STK11IP: variants seen among roughly 807,000 people sequenced by gnomAD.
STK11IP encodes serine/threonine kinase 11 interacting protein.
Under a neutral mutation model 131.7 loss-of-function variants are expected in STK11IP, and 103 were observed. The ratio of observed to expected loss-of-function variants is 0.78; its 90% CI spans 0.67 to 0.92. The LOEUF is 0.92. Among genes scored for constraint, STK11IP ranks in the 40% least tolerant of loss-of-function variants. The probability of loss-of-function intolerance (pLI) is 0.00; values close to 1 mark genes in which losing one functional copy is unlikely to be tolerated. For missense variants in STK11IP, 1,315 were observed against 1,385.7 expected (o/e 0.95, Z 0.81); for synonymous variants, 557 against 575.6 (o/e 0.97, Z 0.46).
chr2:219,608,650 C>G lies in STK11IP; in HGVS notation c.1671C>G (p.Cys557Trp), dbSNP rs200941016. 1.2e-6 allele frequency: 2 copies of G among 1,613,456 alleles called. No individual in the cohort carries two copies. The highest frequency in any genetic ancestry group is 2.7e-5 in the African/African-American group (2 of 75,034). ...CTGAGGGCGTACGGGGCAGGGAATG[C>G]TTTCTCAGGGTCACTTCTGCCCACC... ...EGPEGVRGRE[C>W]FLRVTSAHLF... is the part of the protein sequence containing the mutation. The change falls in exon 15 of 25, where the codon TGC becomes TGG. Residue 557 changes from cysteine to tryptophan, a missense_variant. Physicochemically the swap from Cys to Trp is radical, Grantham distance 215 (BLOSUM62 -2). Coordinates refer to ENST00000456909, the MANE Select transcript of STK11IP (RefSeq NM_052902.4).
At chr2:219,613,691 C>G (rs1001568109) in intron 20 of STK11IP, 61 bp from the exon 21 acceptor site, 2 of 1,601,930 alleles carry the variant, frequency 1.2e-6, no homozygotes, top group Non-Finnish European at 1.7e-6. Context: ...GGGGCAGGGC[C>G]TCTCTGGGAC....
chr2:219,601,222 C>T lies in STK11IP; in HGVS notation c.62-13C>T. 6.2e-7 allele frequency: 1 copy of T among 1,603,952 alleles called. No individual in the cohort carries two copies. The highest frequency in any genetic ancestry group is 8.5e-7 in the Non-Finnish European group (1 of 1,172,996). On this transcript the variant is annotated splice_polypyrimidine_tract_variant and intron_variant, in intron 2 of 24. Coordinates refer to ENST00000456909, the MANE Select transcript of STK11IP (RefSeq NM_052902.4). Reference sequence around the variant, plus strand: ...CACTGTGTCTTCCCTCCTGTTTGCCCCTTTTTCTGCAGGGGATGTGGTCCT... The same window carrying T: ...CACTGTGTCTTCCCTCCTGTTTGCCTCTTTTTCTGCAGGGGATGTGGTCCT...
chr2:219,605,421 G>C, intron 7 of STK11IP, 187 bp from the exon 8 acceptor site: 2 of 599,140 alleles, frequency 3.3e-6, no homozygotes, highest in African/African-American at 1.9e-5. Flanking sequence ...GCCTTGAACT[G>C]TTAGGAACAG....
chr2:219,600,318 C>T (rs1250862471), intron 2 of STK11IP, among the ~76,000 whole-genome samples: 1 of 152,042 alleles, frequency 6.6e-6, no homozygotes, highest in Non-Finnish European at 1.5e-5. Context: ...CCATGTTGGC[C>T]AGGTTGGTCC....
At position 219,608,346 on chromosome 2, in the gene STK11IP, AAGG is replaced by A. The variant is rs747580839; in HGVS notation, c.1526_1528del (p.Glu509del). The A allele has an allele frequency of 1.3e-6, 2 of 1,588,892 alleles. No homozygotes were observed. Among genetic ancestry groups the A allele is most frequent in the Admixed American group, 1.8e-5 (1 of 55,022 alleles). Reference sequence around the variant, plus strand: ...AGAGGAGAAGGAGGGGAAGGAGGAGAAGGAGGAGGGGGAGATGGTGGAACAGGG... The same window carrying A: ...AGAGGAGAAGGAGGGGAAGGAGGAGAAGGAGGGGGAGATGGTGGAACAGGG... On this transcript the variant is annotated inframe_deletion, in exon 14 of 25. Transcript: ENST00000456909.
At chr2:219,609,024 GCT>G in intron 15 of STK11IP, 71 bp from the exon 16 acceptor site, 2 of 1,238,326 alleles carry the variant, frequency 1.6e-6, no homozygotes, top group Non-Finnish European at 2.3e-6. Flanking sequence ...CATCCTCCAT[GCT>G]CTCAGCATCC....
chr2:219,613,069 T>C (rs1698444112), intron 19 of STK11IP, 59 bp from the exon 20 acceptor site: 5 of 1,439,352 alleles, frequency 3.5e-6, no homozygotes, highest in Non-Finnish European at 4.8e-6. Flanking sequence ...CGGCTTTCAG[T>C]CTGGCCCCAC....
rs1200202874 is a variant in STK11IP at position 219,605,847 on chromosome 2, A to G, written c.746-109A>G. Reference sequence around the variant, plus strand: ...CCTTGAGAGGGCTTATGGGGAGTGCAGGGGTGCTCTGGCCGGTCTTTCTGC... The same window carrying G: ...CCTTGAGAGGGCTTATGGGGAGTGCGGGGGTGCTCTGGCCGGTCTTTCTGC... On this transcript the variant is annotated intron_variant, in intron 8 of 24. Transcript: ENST00000456909. 4 of 1,489,704 alleles carry G rather than the reference A, an allele frequency of 2.7e-6. No individual in the cohort carries two copies. The African/African-American group carries it at 5.5e-5, about 21-fold the overall frequency. 92.3% of individuals were successfully genotyped at this position (1,489,704 alleles called of 1,614,324 possible). A position where few individuals can be genotyped will look rare whatever the true frequency, so the allele number is the denominator to read the frequency against.
chr2:219,606,643 G>A (rs879553360), intron 11 of STK11IP, 69 bp from the exon 12 acceptor site: 1 of 1,594,366 alleles, frequency 6.3e-7, no homozygotes, highest in Admixed American at 1.7e-5. Flanking sequence ...CCGCCTTTTG[G>A]CTGGCTTGGG....
At position 219,612,916 on chromosome 2, in the gene STK11IP, C is replaced by T. The variant is rs767410676; in HGVS notation, c.2440-212C>T. 1.9e-4 allele frequency: 102 copies of T among 546,918 alleles called. 1 individual carries two copies. Among genetic ancestry groups the T allele is most frequent in the Non-Finnish European group, 3.1e-4 (95 of 302,446 alleles). 33.9% of individuals were successfully genotyped at this position (546,918 alleles called of 1,614,324 possible). A position where few individuals can be genotyped will look rare whatever the true frequency, so the allele number is the denominator to read the frequency against. ...GGGGGTGAGGCGACAGGCAGGGAAG[C>T]CAGCTGCTGAGGCTCTGAGCGGGCA... On this transcript the variant is annotated intron_variant, in intron 19 of 24. Coordinates refer to ENST00000456909, the MANE Select transcript of STK11IP (RefSeq NM_052902.4).
At chr2:219,614,888 G>A (rs1206037320) in intron 23 of STK11IP, 1 of 648,022 alleles carries the variant, frequency 1.5e-6, no homozygotes, top group Non-Finnish European at 2.6e-6. Context: ...GTGGGGCAGT[G>A]GGGGGCGGTA....
chr2:219,613,213 C>G lies in STK11IP; in HGVS notation c.2525C>G (p.Thr842Ser). ...CGCAGGCTGTACCTGTTGAAGGTGA[C>G]TGGGGAGATGCGGTGAGTGAGAGGG... ...SDRRLYLLKV[T>S]GEMREPPASW... The change falls in exon 20 of 25, where the codon ACT becomes AGT. Residue 842 changes from threonine (T) to serine (S), a missense_variant. Coordinates refer to ENST00000456909, the MANE Select transcript of STK11IP (RefSeq NM_052902.4). The G allele has an allele frequency of 5.1e-6, 8 of 1,576,198 alleles. No homozygotes were observed. The highest frequency in any genetic ancestry group is 6.9e-6 in the Non-Finnish European group (8 of 1,158,252).
rs199664198 is a variant in STK11IP, at chr2:219,606,278, T to C, written c.933T>C (p.Asp311=). ...TAQYLSPRAR[D]AATGFLLDGK... is the part of the protein sequence containing the mutation. ...AGTACTTGTCACCCCGGGCCAGGGA[T>C]GCTGCTACTGGCGTGAGTGATCGTC... Residue 311 remains aspartate (D), a synonymous_variant, in exon 10 of 25, where the codon GAT becomes GAC. Coordinates refer to ENST00000456909, the MANE Select transcript of STK11IP (RefSeq NM_052902.4). 658 of 1,567,076 alleles carry C rather than the reference T, an allele frequency of 4.2e-4. 3 individuals carry two copies. The highest frequency in any genetic ancestry group is 1.8e-3 in the South Asian group (152 of 85,214).
Position 219,601,705 on chromosome 2 carries a change from G to A in STK11IP, c.332G>A (p.Arg111Gln), listed in dbSNP as rs776580233. 6.2e-6 allele frequency: 10 copies of A among 1,601,986 alleles called. No individual in the cohort carries two copies. Among genetic ancestry groups the A allele is most frequent in the Admixed American group, 3.4e-5 (2 of 58,416 alleles). Residue 111 changes from arginine to glutamine, a missense_variant, in exon 4 of 25, where the codon CGG (arginine) becomes CAG (glutamine). By Grantham distance (43) the Arg-to-Gln change is conservative (BLOSUM62 1). Transcript: ENST00000456909. ...AAGATTTTCCCCTTCAAATCCCTTC[G>A]GCACCTGGAGGTATGGGGACACGGG... ...PIKIFPFKSL[R>Q]HLELRGVPLH...
chr2:219,613,026 A>G (rs1698443313), intron 19 of STK11IP, 102 bp from the exon 20 acceptor site: 3 of 802,522 alleles, frequency 3.7e-6, no homozygotes, highest in Non-Finnish European at 6.2e-6. Flanking sequence ...GGGCAGTGGG[A>G]GGGTCAGGCC....
intron 13 of STK11IP, 122 bp downstream of exon 13, chr2:219,607,259 G>A (rs753901411): frequency 4.4e-6 from 4 of 910,246 alleles, no homozygotes; most frequent in Non-Finnish European, 6.6e-6. Context: ...ATTATAGAGG[G>A]CTTCTTAGTC....
At chr2:219,607,937 G>A (rs1359423709) in intron 13 of STK11IP, 110 bp from the exon 14 acceptor site, 3 of 1,434,050 alleles carry the variant, frequency 2.1e-6, no homozygotes, top group Non-Finnish European at 2.8e-6. Flanking sequence ...CCTTGCCCGT[G>A]TCCCCATACA....
chr2:219,601,662 G>A lies in STK11IP; in HGVS notation c.289G>A (p.Gly97Ser). 1 of 1,596,990 alleles carries A rather than the reference G, an allele frequency of 6.3e-7. No homozygotes were observed. The highest frequency in any genetic ancestry group is 8.5e-7 in the Non-Finnish European group (1 of 1,172,312). ...TCAGCTGGTCCATGTTGCTGGTCCT[G>A]GCCCCACAGGGCCCATCAAGATTTT... The part of the protein sequence containing the change: ...SLKLVHVAGP[G>S]PTGPIKIFPF... Residue 97 changes from glycine to serine, a missense_variant, in exon 4 of 25, where the codon GGC (glycine) becomes AGC (serine). By Grantham distance (56) the Gly-to-Ser change is moderately conservative. Transcript: ENST00000456909.
At chr2:219,612,307 T>C (rs887242385) in intron 19 of STK11IP, among the ~76,000 whole-genome samples, 8 of 152,230 alleles carry the variant, frequency 5.3e-5, no homozygotes, top group African/African-American at 1.9e-4. Flanking sequence ...ATGTTGAAGC[T>C]GCCCAGCCCA....
Sources: allele counts gnomAD v4.1 joint callset (sites outside exome capture counted in the v4.1 genomes callset), GRCh38; gene constraint gnomAD v4.1.1; transcripts MANE v1.5; gene names NCBI Gene and HGNC (gene_info 2026-07-23, HGNC 2026-07-21).